Variants in CUTC observed in about 807,000 individuals in gnomAD.
The protein encoded by CUTC is cutC copper transporter, also known as copper homeostasis protein cutC homolog.
A neutral mutation model predicts 36.2 loss-of-function variants in CUTC; 27 were observed. The observed-to-expected ratio is 0.75, with a 90% confidence interval of 0.55 to 1.03. CUTC has a LOEUF of 1.03. Among genes scored for constraint, CUTC ranks in the 50% least tolerant of loss-of-function variants. The pLI is 0.00. For missense variants in CUTC, 315 were observed against 343.5 expected (o/e 0.92, Z 0.66); for synonymous variants, 114 against 118.3 (o/e 0.96, Z 0.24).
At chr10:99,734,688 T>A (rs1590116232) in intron 1 of CUTC, among the ~76,000 whole-genome samples, 1 of 152,200 alleles carries the variant, frequency 6.6e-6, no homozygotes, top group African/African-American at 2.4e-5. Context: ...CATCACACTT[T>A]GTAATATAAA....
rs150478715 is a variant in CUTC, at chr10:99,741,503, C to G, written c.194-1650C>G. Reference sequence around the variant, plus strand: ...CCTCCAGAGTTATCTGTCTTCCTTTCTTCTTTCATTCCTTCCTTTCCTTTC... The same window carrying G: ...CCTCCAGAGTTATCTGTCTTCCTTTGTTCTTTCATTCCTTCCTTTCCTTTC... On this transcript the variant is annotated intron_variant, in intron 3 of 8. Transcript: ENST00000370476. 1.8e-4 allele frequency among the ~76,000 whole-genome samples: 28 copies of G among 152,174 alleles called. No homozygotes were observed. The East Asian group carries it at 5.2e-3, about 28-fold the overall frequency.
chr10:99,739,844 G>T (rs1218077128), intron 3 of CUTC, 75 bp downstream of exon 3: 1 of 1,208,140 alleles, frequency 8.3e-7, no homozygotes, highest in South Asian at 1.3e-5. Flanking sequence ...CAGTTTCGTT[G>T]GGGTCCTTTA....
At chr10:99,738,630 A>G (rs952191190) in intron 2 of CUTC, among the ~76,000 whole-genome samples, 12 of 152,212 alleles carry the variant, frequency 7.9e-5, no homozygotes, top group Non-Finnish European at 1.6e-4. Context: ...ATCGTTTAAC[A>G]TAGTCCTCTG....
chr10:99,749,589 A>G (rs982287167), intron 6 of CUTC, among the ~76,000 whole-genome samples: 5 of 152,002 alleles, frequency 3.3e-5, no homozygotes, highest in Non-Finnish European at 5.9e-5. Context: ...ACAGGCAAAT[A>G]TGACTTTTTT....
intron 6 of CUTC, among the ~76,000 whole-genome samples, chr10:99,750,135 T>TG (rs932758035): frequency 8.6e-5 from 13 of 152,040 alleles, no homozygotes; most frequent in African/African-American, 2.4e-4. Context: ...TGGCACTTAT[T>TG]GGGGGGGAAA....
At chr10:99,732,543 A>G (rs1160071998) in intron 1 of CUTC, 134 bp downstream of exon 1, 4 of 1,475,070 alleles carry the variant, frequency 2.7e-6, no homozygotes, top group South Asian at 1.4e-5. Context: ...GGCACCTTCT[A>G]TCTTTGAGGC....
Position 99,736,226 on chromosome 10 carries a change from C to T in CUTC, c.62-20C>T. On this transcript the variant is annotated intron_variant, in intron 1 of 8. Coordinates refer to ENST00000370476, the MANE Select transcript of CUTC (RefSeq NM_015960.3). ...TGGATAGAACCTTTATGAACTCTTA[C>T]CATTCTCCATGTATTTTAGGAGCAG... 5 of 1,607,438 alleles carry T rather than the reference C, an allele frequency of 3.1e-6. No homozygotes were observed. Among genetic ancestry groups the T allele is most frequent in the Non-Finnish European group, 4.3e-6 (5 of 1,174,096 alleles).
At chr10:99,745,836 G>A (rs536503407) in intron 5 of CUTC, among the ~76,000 whole-genome samples, 33 of 152,324 alleles carry the variant, frequency 2.2e-4, no homozygotes, top group African/African-American at 6.7e-4. Context: ...CAGCCTGGGC[G>A]ACAGAGCAAG....
intron 7 of CUTC, among the ~76,000 whole-genome samples, chr10:99,751,944 G>T (rs965670249): frequency 4.6e-5 from 7 of 152,122 alleles, no homozygotes. Context: ...ATATTGTTTA[G>T]CTTGTTCCTC....
chr10:99,747,173 A>G, intron 5 of CUTC, 84 bp from the exon 6 acceptor site: 1 of 1,459,850 alleles, frequency 6.9e-7, no homozygotes, highest in Non-Finnish European at 9.4e-7. Context: ...TAGGTCCAGC[A>G]TGCCACTGCA....
At position 99,747,339 on chromosome 10, in the gene CUTC, T is replaced by G; in HGVS notation, c.522T>G (p.Cys174Trp). 6.2e-7 allele frequency: 1 copy of G among 1,614,174 alleles called. No individual in the cohort carries two copies. Among genetic ancestry groups the G allele is most frequent in the Non-Finnish European group, 8.5e-7 (1 of 1,180,030 alleles). The change falls in exon 6 of 9, where the codon TGT (cysteine) becomes TGG (tryptophan). Residue 174 changes from cysteine to tryptophan, a missense_variant. Transcript: ENST00000370476. The part of the protein sequence containing the change: ...LGFERVLTSG[C>W]DSSALEGLPL... ...TTGAACGCGTGTTGACCAGTGGATG[T>G]GACAGTTCAGCATTAGAAGGGCTAC...
Position 99,743,355 on chromosome 10 carries a change from C to T in CUTC, c.396C>T (p.Ser132=), listed in dbSNP as rs756068220. ...DGHIDKELCM[S]LMAICRPLPV... is the part of the protein sequence containing the mutation. ...ACATTGACAAAGAGCTGTGTATGTC[C>T]CTTATGGGTAAGAATTTGTATCTAA... is the stretch of plus-strand genomic sequence containing the variant. Residue 132 remains serine (S), a synonymous_variant, in exon 4 of 9, where the codon TCC becomes TCT. Transcript: ENST00000370476. The T allele has an allele frequency of 3.1e-6, 5 of 1,613,238 alleles. No individual in the cohort carries two copies. The highest frequency in any genetic ancestry group is 1.1e-5 in the South Asian group (1 of 91,058).
intron 1 of CUTC, among the ~76,000 whole-genome samples, chr10:99,734,075 T>G (rs1335482340): frequency 6.7e-6 from 1 of 149,024 alleles, no homozygotes; most frequent in Non-Finnish European, 1.5e-5. Flanking sequence ...TTTTTTTTTT[T>G]TTTTTTTTTT....
intron 6 of CUTC, among the ~76,000 whole-genome samples, chr10:99,748,016 C>T (rs188662840): frequency 7.5e-4 from 114 of 152,272 alleles, no homozygotes; most frequent in African/African-American, 2.4e-3. Flanking sequence ...TTGTAGAGCA[C>T]TCAGAAGGTG....
In CUTC at chr10:99,746,460, G is replaced by C. The variant is rs141541901; in HGVS notation, c.440-797G>C. Among the ~76,000 whole-genome samples, 1,122 of 152,018 alleles carry C rather than the reference G, an allele frequency of 7.4e-3. 5 individuals are homozygous for C. The highest frequency in any genetic ancestry group is 0.013 in the Non-Finnish European group (862 of 67,976). On this transcript the variant is annotated intron_variant, in intron 5 of 8. Transcript: ENST00000370476. ...AATAATCTGCACAACAAACTCCCAA[G>C]ACACGGGTTTATCTGTATAACAAAC... is the stretch of plus-strand genomic sequence containing the variant.
chr10:99,746,867 G>T (rs957534100), intron 5 of CUTC, among the ~76,000 whole-genome samples: 3 of 152,122 alleles, frequency 2.0e-5, no homozygotes, highest in African/African-American at 7.2e-5. Flanking sequence ...GACCCCTTAG[G>T]CTCAGGTGAT....
chr10:99,743,499 G>A (rs1564656541), intron 4 of CUTC, 137 bp downstream of exon 4: 4 of 759,456 alleles, frequency 5.3e-6, no homozygotes, highest in East Asian at 2.6e-5. Flanking sequence ...ATTTCAAATA[G>A]TAGTTATTTA....
chr10:99,737,126 C>A (rs1449761676), intron 2 of CUTC, among the ~76,000 whole-genome samples: 2 of 151,876 alleles, frequency 1.3e-5, no homozygotes, highest in Non-Finnish European at 2.9e-5. Context: ...AAAAATTAGC[C>A]AAGCGTGGTG....
chr10:99,743,595 G>A (rs1423572860), intron 4 of CUTC, among the ~76,000 whole-genome samples: 1 of 152,080 alleles, frequency 6.6e-6, no homozygotes, highest in Non-Finnish European at 1.5e-5. Flanking sequence ...TGTTCCCATA[G>A]AATAGAAATT....
Sources: allele counts gnomAD v4.1 joint callset (sites outside exome capture counted in the v4.1 genomes callset), GRCh38; gene constraint gnomAD v4.1.1; transcripts MANE v1.5; gene names NCBI Gene and HGNC (gene_info 2026-07-23, HGNC 2026-07-21).